Variants in SNX8 observed in about 807,000 individuals in gnomAD.
The protein encoded by SNX8 is sorting nexin 8.
In SNX8, 25 loss-of-function variants were observed where a neutral mutation model predicts 51.6. That is an observed-to-expected ratio of 0.48 (90% CI 0.35 to 0.68). SNX8 has a LOEUF of 0.68. Among genes scored for constraint, SNX8 ranks in the 30% least tolerant of loss-of-function variants. The pLI is 0.00. For missense variants in SNX8, 695 were observed against 624.0 expected, an observed-to-expected ratio of 1.11 and a Z score of -1.21; for synonymous variants, 324 against 277.0, an observed-to-expected ratio of 1.17 and a Z score of -1.68.
In SNX8 at chr7:2,257,741, G is replaced by A; in HGVS notation, c.978C>T (p.Ser326=). Residue 326 remains serine (S), a synonymous_variant, in exon 8 of 11, where the codon TCC becomes TCT. Transcript: ENST00000222990. ...AGGAGCAGCCAAGACTCACCTTATAGGACTGCAGCAGATCCAAGAAGAGGT... is the reference window on the plus strand; with the variant it reads ...AGGAGCAGCCAAGACTCACCTTATAAGACTGCAGCAGATCCAAGAAGAGGT... ...KLNLFLDLLQ[S]YKDLCERHEK... The A allele has an allele frequency of 1.2e-6, 2 of 1,613,826 alleles. No homozygotes were observed. Among genetic ancestry groups the A allele is most frequent in the Non-Finnish European group, 1.7e-6 (2 of 1,179,804 alleles).
intron 1 of SNX8, among the ~76,000 whole-genome samples, chr7:2,298,598 A>G (rs1176865533): frequency 6.7e-6 from 1 of 148,540 alleles, no homozygotes; most frequent in Admixed American, 6.7e-5. Flanking sequence ...TCGAACTCCT[A>G]ACCTCAGGTG....
chr7:2,353,042 C>T (rs1779190240), intron 1 of SNX8, among the ~76,000 whole-genome samples: 1 of 152,028 alleles, frequency 6.6e-6, no homozygotes, highest in African/African-American at 2.4e-5. Flanking sequence ...GCCTATAGTC[C>T]CGGCACTTTG....
At chr7:2,258,283 T>TG (rs1472895898) in intron 7 of SNX8, among the ~76,000 whole-genome samples, 3 of 152,094 alleles carry the variant, frequency 2.0e-5, no homozygotes, top group African/African-American at 4.8e-5. Flanking sequence ...CCCAAAGTGC[T>TG]GGATTACAGG....
At chr7:2,302,900 G>T (rs1288871800) in intron 1 of SNX8, among the ~76,000 whole-genome samples, 1 of 150,342 alleles carries the variant, frequency 6.7e-6, no homozygotes, top group Non-Finnish European at 1.5e-5. Flanking sequence ...GAGCCCCTCC[G>T]CCCGGCAGCC....
chr7:2,286,270 C>A (rs892858190), intron 1 of SNX8, among the ~76,000 whole-genome samples: 1 of 149,528 alleles, frequency 6.7e-6, no homozygotes, highest in Non-Finnish European at 1.5e-5. Context: ...CCTCGGCCTC[C>A]CAAAGTGCTG....
chr7:2,340,212 G>A (rs997673767), intron 1 of SNX8, among the ~76,000 whole-genome samples: 4 of 151,460 alleles, frequency 2.6e-5, no homozygotes, highest in South Asian at 2.1e-4. Context: ...ACAGGCATGC[G>A]CCACCATGCC....
intron 1 of SNX8, among the ~76,000 whole-genome samples, chr7:2,348,176 C>T (rs1779068614): frequency 6.6e-6 from 1 of 152,102 alleles, no homozygotes; most frequent in Non-Finnish European, 1.5e-5. Context: ...AGATCGCCAT[C>T]TGTAGGTGAA....
intron 1 of SNX8, among the ~76,000 whole-genome samples, chr7:2,328,712 G>T (rs1483141946): frequency 2.0e-5 from 3 of 152,090 alleles, no homozygotes; most frequent in Non-Finnish European, 2.9e-5. Context: ...AGCACTTTGG[G>T]AGGCCGAGGT....
At chr7:2,346,751 A>AG (rs1263062963) in intron 1 of SNX8, among the ~76,000 whole-genome samples, 3 of 149,424 alleles carry the variant, frequency 2.0e-5, no homozygotes, top group Non-Finnish European at 4.4e-5. Flanking sequence ...AAAAAAAAAA[A>AG]AAAAAAAAAC....
At chr7:2,337,938 G>C (rs1253757948) in intron 1 of SNX8, among the ~76,000 whole-genome samples, 1 of 151,258 alleles carries the variant, frequency 6.6e-6, no homozygotes, top group South Asian at 2.1e-4. Flanking sequence ...TTTAAAATCA[G>C]GGGGGAGAAG....
intron 7 of SNX8, among the ~76,000 whole-genome samples, chr7:2,258,929 A>G (rs1348290197): frequency 1.3e-5 from 2 of 152,240 alleles, no homozygotes; most frequent in East Asian, 1.9e-4. Context: ...GAGTCACCAC[A>G]GCACCTGGGG....
At chr7:2,298,423 G>A (rs971220767) in intron 1 of SNX8, among the ~76,000 whole-genome samples, 2 of 152,064 alleles carry the variant, frequency 1.3e-5, no homozygotes, top group African/African-American at 4.8e-5. Flanking sequence ...AGGCTGGAGT[G>A]CAGTGGTGCA....
At chr7:2,267,138 C>A (rs909974460) in intron 5 of SNX8, among the ~76,000 whole-genome samples, 4 of 152,192 alleles carry the variant, frequency 2.6e-5, no homozygotes, top group Non-Finnish European at 4.4e-5. Context: ...GCCTCCCAGC[C>A]CTGTGTCGGA....
At chr7:2,351,210 A>G (rs1779132215) in intron 1 of SNX8, among the ~76,000 whole-genome samples, 1 of 152,160 alleles carries the variant, frequency 6.6e-6, no homozygotes, top group African/African-American at 2.4e-5. Flanking sequence ...CTCTGCTGCC[A>G]GGGTTGGTGC....
chr7:2,300,216 G>A (rs1003884087), intron 1 of SNX8, among the ~76,000 whole-genome samples: 3 of 152,142 alleles, frequency 2.0e-5, no homozygotes, highest in Admixed American at 2.0e-4. Context: ...CTCCAAGATT[G>A]GTTAACCAGG....
At chr7:2,310,526 G>C (rs1014904686) in intron 1 of SNX8, among the ~76,000 whole-genome samples, 32 of 152,108 alleles carry the variant, frequency 2.1e-4, no homozygotes, top group African/African-American at 7.7e-4. Context: ...TCAGCACTTT[G>C]GTAGGCCGAG....
In SNX8 at chr7:2,344,835, G is replaced by A. The variant is rs373634446; in HGVS notation, c.-66+9387C>T. Among the ~76,000 whole-genome samples the A allele has an allele frequency of 7.3e-4, 111 of 152,194 alleles. 1 individual carries two copies. The South Asian group carries it at 0.021, about 29-fold the overall frequency. On this transcript the variant is annotated intron_variant, in intron 1 of 5. Transcript: ENST00000435336. ...AGCACTTTGGGAGGCTGAGGCAGGC[G>A]GATCACATGGTCAGGAGTTCGAGAC...
chr7:2,270,341 A>AAAAG (rs58913247), intron 4 of SNX8, among the ~76,000 whole-genome samples: 1 of 148,950 alleles, frequency 6.7e-6, no homozygotes, highest in Non-Finnish European at 1.5e-5. Flanking sequence ...AAAAAAAAAA[A>AAAAG]GACCTGAGGC....
chr7:2,324,857 G>C (rs1411488205), intron 1 of SNX8, among the ~76,000 whole-genome samples: 1 of 152,140 alleles, frequency 6.6e-6, no homozygotes. Context: ...CCAGGCCGGA[G>C]TGCAGTGGTA....
Sources: allele counts gnomAD v4.1 joint callset (sites outside exome capture counted in the v4.1 genomes callset), GRCh38; gene constraint gnomAD v4.1.1; transcripts MANE v1.5; gene names NCBI Gene and HGNC (gene_info 2026-07-23, HGNC 2026-07-21).